Variants in IDH3A observed in about 807,000 individuals in gnomAD.
IDH3A encodes isocitrate dehydrogenase (NAD(+)) 3 catalytic subunit alpha.
In IDH3A, 23 loss-of-function variants were observed where a neutral mutation model predicts 43.3. That is an observed-to-expected ratio of 0.53 (90% CI 0.38 to 0.75). IDH3A has a LOEUF of 0.75. Ranked by LOEUF, IDH3A falls within the 30% of genes least tolerant of loss-of-function variation. IDH3A has a pLI of 0.00. For synonymous variants in IDH3A, 154 were observed against 163.5 expected (o/e 0.94, Z 0.44); for missense variants, 329 against 474.4 (o/e 0.69, Z 2.85).
chr15:78,157,566 AT>A lies in IDH3A; in HGVS notation c.111del (p.Pro38GlnfsTer14). ...TGTTCAGGTTCAGACAGTAACTTTA[AT>A]TCCAGGAGATGGTATTGGCCCAGAA... Reference protein sequence around the residue: ...FTGGVQTVTLIPGDGIGPEIS... With the variant: ...FTGGVQTVTLXPGDGIGPEIS... On this transcript the variant is annotated frameshift_variant, in exon 3 of 11. Coordinates refer to ENST00000299518, the MANE Select transcript of IDH3A (RefSeq NM_005530.3). LOFTEE classifies it high-confidence loss of function. 6.2e-7 allele frequency: 1 copy of A among 1,611,906 alleles called. No homozygotes were observed. Among genetic ancestry groups the A allele is most frequent in the Non-Finnish European group, 8.5e-7 (1 of 1,178,854 alleles).
chr15:78,166,241 G>A lies in IDH3A; in HGVS notation c.956G>A (p.Gly319Glu), dbSNP rs751339199. The change falls in exon 10 of 11, where the codon GGA (glycine) becomes GAA (glutamate). Residue 319 changes from glycine to glutamate, a missense_variant. By Grantham distance (98) the Gly-to-Glu change is moderately conservative. This residue lies in a region of IDH3A where 91 missense variants were observed against 111.6 expected (regional missense o/e 0.82). Transcript: ENST00000299518. ...GCCGTGATGATGCTGCGCCACATGG[G>A]ACTTTTTGACCATGCTGCAAGAATT... ...LSAVMMLRHM[G>E]LFDHAARIEA... The A allele has an allele frequency of 1.2e-6, 2 of 1,614,028 alleles. No homozygotes were observed. The highest frequency in any genetic ancestry group is 1.7e-6 in the Non-Finnish European group (2 of 1,180,018).
rs2074742339 is a variant in IDH3A, at chr15:78,166,307, C to G, written c.1017+5C>G. The stretch of plus-strand genomic sequence containing the variant: ...GCTACAATTAAGGACGGAAAGGTAA[C>G]AGGAATCTTGATTTACTTGTGCTGG... On this transcript the variant is annotated splice_donor_5th_base_variant and intron_variant, in intron 10 of 10. Coordinates refer to ENST00000299518, the MANE Select transcript of IDH3A (RefSeq NM_005530.3). 1 of 1,613,896 alleles carries G rather than the reference C, an allele frequency of 6.2e-7. No individual in the cohort carries two copies. Among genetic ancestry groups the G allele is most frequent in the African/African-American group, 1.3e-5 (1 of 75,036 alleles).
In IDH3A at chr15:78,149,386, G is replaced by T. The variant is rs758030977; in HGVS notation, c.-18G>T. The T allele has an allele frequency of 6.5e-7, 1 of 1,539,728 alleles. No homozygotes were observed. The highest frequency in any genetic ancestry group is 1.4e-5 in the African/African-American group (1 of 70,602). On this transcript the variant is annotated 5_prime_UTR_variant, in exon 1 of 11. Transcript: ENST00000299518. The stretch of plus-strand genomic sequence containing the variant: ...CACTGCCGCTGCGGCTGTTGCTGCG[G>T]AGCCAGGAGGGGAAGCGATGGCTGG...
chr15:78,156,412 GCAGTGAGCTGTGATCACAC>G (rs1395881059), intron 2 of IDH3A, among the ~76,000 whole-genome samples: 1 of 152,192 alleles, frequency 6.6e-6, no homozygotes, highest in Non-Finnish European at 1.5e-5. Context: ...GTTCGAGGCT[GCAGTGAGCTGTGATCACAC>G]CTGTGAGTAG....
In IDH3A at chr15:78,171,523, G is replaced by A. The variant is rs2074821989; in HGVS notation, c.*2518G>A. On this transcript the variant is annotated 3_prime_UTR_variant, in exon 11 of 11. Coordinates refer to ENST00000299518, the MANE Select transcript of IDH3A (RefSeq NM_005530.3). ...AACTGTGAGCCGTTTCAGTTTCATC[G>A]TGGGACCTAAAAGGGAAATGAGAAG... 5.0e-6 allele frequency: 8 copies of A among 1,613,790 alleles called. No homozygotes were observed. The highest frequency in any genetic ancestry group is 2.2e-5 in the South Asian group (2 of 91,082).
chr15:78,158,163 C>T (rs544723086), intron 3 of IDH3A, among the ~76,000 whole-genome samples: 26 of 151,844 alleles, frequency 1.7e-4, no homozygotes, highest in Admixed American at 1.3e-3. Flanking sequence ...TCTATACAGG[C>T]GCTTTTGAAA....
At chr15:78,167,436 G>A (rs943956468) in intron 10 of IDH3A, 2 of 152,204 alleles carry the variant, frequency 1.3e-5, no homozygotes, top group African/African-American at 4.8e-5. Context: ...CTATTCCGAA[G>A]TTAGAGGAAA....
At chr15:78,164,816 C>A (rs1007732320) in intron 8 of IDH3A, among the ~76,000 whole-genome samples, 176 bp from the exon 9 acceptor site, 1 of 152,196 alleles carries the variant, frequency 6.6e-6, no homozygotes, top group East Asian at 1.9e-4. Context: ...CTTTCTGACA[C>A]AGTAAGATGC....
chr15:78,163,871 T>G, intron 8 of IDH3A, 91 bp downstream of exon 8: 1 of 819,592 alleles, frequency 1.2e-6, no homozygotes, highest in East Asian at 2.5e-5. Context: ...AATTGAGTAT[T>G]GTGAAATAGA....
chr15:78,149,408 C>G lies in IDH3A; in HGVS notation c.5C>G (p.Ala2Gly), dbSNP rs1304032633. Residue 2 changes from alanine to glycine, a missense_variant, in exon 1 of 11, where the codon GCT becomes GGT. Around this residue, in one of 3 missense-constraint regions of IDH3A, gnomAD observed 26 missense variants for 17.2 expected, o/e 1.51. Coordinates refer to ENST00000299518, the MANE Select transcript of IDH3A (RefSeq NM_005530.3). ...GCGGAGCCAGGAGGGGAAGCGATGG[C>G]TGGGCCCGCGTGGATCTCTAAGGTG... M[A>G]GPAWISKVSR... is the part of the protein sequence containing the mutation. The G allele has an allele frequency of 1.9e-6, 3 of 1,552,072 alleles. No homozygotes were observed. Among genetic ancestry groups the G allele is most frequent in the Admixed American group, 1.8e-5 (1 of 54,762 alleles).
chr15:78,163,445 G>C, intron 6 of IDH3A, 62 bp from the exon 7 acceptor site: 1 of 1,184,782 alleles, frequency 8.4e-7, no homozygotes, highest in Non-Finnish European at 1.2e-6. Flanking sequence ...TTACTTCTTT[G>C]ATTTGATTCT....
Position 78,160,217 on chromosome 15 carries a change from A to C in IDH3A, c.289+11A>C. ...AGATGGGCTTGAAAGGTAGCACTGAAGTAGAGACGGGGGTTTTTACAGATT... is the reference window on the plus strand; with the variant it reads ...AGATGGGCTTGAAAGGTAGCACTGACGTAGAGACGGGGGTTTTTACAGATT... On this transcript the variant is annotated intron_variant, in intron 4 of 10. Transcript: ENST00000299518. 2 of 1,473,634 alleles carry C rather than the reference A, an allele frequency of 1.4e-6. No homozygotes were observed. Among genetic ancestry groups the C allele is most frequent in the Non-Finnish European group, 9.5e-7 (1 of 1,051,798 alleles). The allele number at this position is 1,473,634 out of a possible 1,614,324, so 91.3% of individuals were successfully genotyped here. A position where few individuals can be genotyped will look rare whatever the true frequency, so the allele number is the denominator to read the frequency against.
intron 10 of IDH3A, chr15:78,167,756 C>T (rs1490758970): frequency 6.6e-6 from 1 of 152,154 alleles, no homozygotes; most frequent in Non-Finnish European, 1.5e-5. Context: ...TGGAATCATA[C>T]AGTATTTGTC....
intron 3 of IDH3A, among the ~76,000 whole-genome samples, chr15:78,158,498 CAG>C (rs1232260570): frequency 2.4e-5 from 1 of 41,528 alleles, no homozygotes; most frequent in East Asian, 5.7e-4. Flanking sequence ...TTTTTTGAGA[CAG>C]AGTTTTGCTC....
Position 78,171,429 on chromosome 15 carries a change from A to G in IDH3A, c.*2424A>G, listed in dbSNP as rs754456068. 1.9e-6 allele frequency: 3 copies of G among 1,609,756 alleles called. No individual in the cohort carries two copies. Among genetic ancestry groups the G allele is most frequent in the Non-Finnish European group, 2.6e-6 (3 of 1,176,160 alleles). On this transcript the variant is annotated 3_prime_UTR_variant, in exon 11 of 11. Coordinates refer to ENST00000299518, the MANE Select transcript of IDH3A (RefSeq NM_005530.3). ...CTGCCCTCTATTCTATAGAAACTGC[A>G]GGCATAGGCCCTGATTACATTTTTT...
intron 3 of IDH3A, among the ~76,000 whole-genome samples, chr15:78,158,330 T>C (rs1226016670): frequency 6.6e-6 from 1 of 151,430 alleles, no homozygotes; most frequent in Non-Finnish European, 1.5e-5. Context: ...TCTGAGCTCG[T>C]GTCCTAGGAC....
intron 2 of IDH3A, 143 bp downstream of exon 2, chr15:78,155,418 C>T (rs1396879486): frequency 3.1e-5 from 17 of 553,484 alleles, no homozygotes; most frequent in Non-Finnish European, 4.8e-5. Flanking sequence ...GTTGAAATTA[C>T]TGGCTGACAT....
Position 78,166,457 on chromosome 15 carries a change from G to C in IDH3A, c.1017+155G>C, listed in dbSNP as rs939908678. 5 of 743,238 alleles carry C rather than the reference G, an allele frequency of 6.7e-6. No homozygotes were observed. The African/African-American group carries it at 6.9e-5, about 10-fold the overall frequency. The allele number at this position is 743,238 out of a possible 1,614,324, so 46.0% of individuals were successfully genotyped here. ...CTTAACGTGGGTCCCAGATTGAACA[G>C]GGTATGTGTGCACATGTGTGCATTT... is the stretch of plus-strand genomic sequence containing the variant. On this transcript the variant is annotated intron_variant, in intron 10 of 10. Transcript: ENST00000299518.
At chr15:78,162,393 C>A in intron 6 of IDH3A, 26 bp downstream of exon 6, 1 of 1,610,274 alleles carries the variant, frequency 6.2e-7, no homozygotes, top group South Asian at 1.1e-5. Context: ...GGGCCGGCAC[C>A]CCATCTTGCT....
Sources: gnomAD v4.1 joint callset for allele counts (sites outside exome capture counted in the v4.1 genomes callset) on GRCh38, gnomAD v4.1.1 for gene constraint, gnomAD v4.1.1 regional missense constraint, MANE v1.5 for transcripts, NCBI Gene and HGNC (gene_info 2026-07-23, HGNC 2026-07-21) for gene names.